The following HEMK2 variants were observed in gnomAD, a reference collection of about 807,000 sequenced individuals.
The protein encoded by HEMK2 is methyltransferase HEMK2.
At chr21:28,644,217 C>T in the HEMK2 span, among the ~76,000 whole-genome samples, 1 of 152,174 alleles carries the variant, frequency 6.6e-6, no homozygotes, top group Non-Finnish European at 1.5e-5. Context: ...GCACCTTCGT[C>T]ACAAGGTGGC....
the HEMK2 span, among the ~76,000 whole-genome samples, chr21:28,806,454 A>G: frequency 0.46 from 70,629 of 152,016 alleles, 18,428 homozygotes; most frequent in East Asian, 0.77. Context: ...ATATGTTGAA[A>G]TCCTAACCTC....
the HEMK2 span, among the ~76,000 whole-genome samples, chr21:28,864,816 CAGACAGATAGAT>C: frequency 6.2e-4 from 73 of 117,704 alleles, 1 homozygote; most frequent in African/African-American, 1.9e-3. Flanking sequence ...GAAAGACAGA[CAGACAGATAGAT>C]AGATAGATAG....
At chr21:28,595,469 T>C in the HEMK2 span, among the ~76,000 whole-genome samples, 41 of 152,322 alleles carry the variant, frequency 2.7e-4, no homozygotes, top group Non-Finnish European at 4.7e-4. Flanking sequence ...TAGCTTAACA[T>C]AATGACCTCC....
chr21:28,679,456 C>CT, the HEMK2 span, among the ~76,000 whole-genome samples: 2 of 152,152 alleles, frequency 1.3e-5, no homozygotes, highest in Non-Finnish European at 2.9e-5. Flanking sequence ...TAATGGTAGA[C>CT]TTTAACACCC....
chr21:28,653,746 T>C, the HEMK2 span, among the ~76,000 whole-genome samples: 1 of 152,212 alleles, frequency 6.6e-6, no homozygotes, highest in African/African-American at 2.4e-5. Flanking sequence ...GATTTGTGTT[T>C]AGTTCATTGG....
the HEMK2 span, among the ~76,000 whole-genome samples, chr21:28,601,757 C>CAT: frequency 3.2e-5 from 1 of 31,420 alleles, no homozygotes; most frequent in Admixed American, 2.5e-4. Flanking sequence ...CTGAAGCTAG[C>CAT]AGACTATTAA....
the HEMK2 span, among the ~76,000 whole-genome samples, chr21:28,819,638 C>T: frequency 6.6e-6 from 1 of 150,622 alleles, no homozygotes; most frequent in African/African-American, 2.4e-5. Context: ...CCTCTGCCTC[C>T]CAGGTTCAAG....
chr21:28,627,233 G>T, the HEMK2 span, among the ~76,000 whole-genome samples: 2 of 152,126 alleles, frequency 1.3e-5, no homozygotes, highest in Non-Finnish European at 2.9e-5. Context: ...CTGCAAAGAG[G>T]CATGAGAGAA....
chr21:28,687,536 G>A, the HEMK2 span, among the ~76,000 whole-genome samples: 3 of 152,152 alleles, frequency 2.0e-5, no homozygotes, highest in African/African-American at 7.2e-5. Context: ...AGCATAGCAT[G>A]CACACACCCA....
the HEMK2 span, among the ~76,000 whole-genome samples, chr21:28,749,790 T>C: frequency 6.6e-6 from 1 of 152,160 alleles, no homozygotes; most frequent in Non-Finnish European, 1.5e-5. Flanking sequence ...CTGTAAGAAA[T>C]TAAAATGAAC....
the HEMK2 span, among the ~76,000 whole-genome samples, chr21:28,685,087 A>G: frequency 6.6e-6 from 1 of 152,096 alleles, no homozygotes; most frequent in Non-Finnish European, 1.5e-5. Context: ...CAGGGAAGTA[A>G]AAAAAACCTA....
the HEMK2 span, among the ~76,000 whole-genome samples, chr21:28,815,589 C>T: frequency 2.0e-5 from 3 of 152,006 alleles, no homozygotes; most frequent in Non-Finnish European, 1.5e-5. Context: ...CCTTACATAG[C>T]ACCTTTCACC....
the HEMK2 span, among the ~76,000 whole-genome samples, chr21:28,839,532 A>G: frequency 6.6e-6 from 1 of 152,220 alleles, no homozygotes; most frequent in Non-Finnish European, 1.5e-5. Context: ...GTTTCCAGAT[A>G]CAAGATTAAT....
At chr21:28,782,959 C>T in the HEMK2 span, among the ~76,000 whole-genome samples, 11,957 of 152,034 alleles carry the variant, frequency 0.079, 512 homozygotes, top group Middle Eastern at 0.12. Flanking sequence ...AATGTTTTTT[C>T]GCAAGTGCTG....
At chr21:28,578,570 A>C in the HEMK2 span, among the ~76,000 whole-genome samples, 2 of 152,184 alleles carry the variant, frequency 1.3e-5, no homozygotes, top group Non-Finnish European at 2.9e-5. Flanking sequence ...AGGCAGGTTT[A>C]GTAGTTTAAA....
the HEMK2 span, among the ~76,000 whole-genome samples, chr21:28,803,191 ATTTCCCTC>A: frequency 6.6e-6 from 1 of 152,176 alleles, no homozygotes. Flanking sequence ...GGAAAAAATC[ATTTCCCTC>A]GATTTCACAT....
chr21:28,739,029 A>T, the HEMK2 span, among the ~76,000 whole-genome samples: 2 of 152,242 alleles, frequency 1.3e-5, no homozygotes, highest in Non-Finnish European at 2.9e-5. Flanking sequence ...CACAGTGAAA[A>T]AAATATATAA....
chr21:28,737,301 T>C, the HEMK2 span, among the ~76,000 whole-genome samples: 1 of 152,112 alleles, frequency 6.6e-6, no homozygotes, highest in Non-Finnish European at 1.5e-5. Flanking sequence ...AGTTTTGTAT[T>C]TTTAGTAGAG....
the HEMK2 span, among the ~76,000 whole-genome samples, chr21:28,645,012 G>A: frequency 6.6e-6 from 1 of 152,186 alleles, no homozygotes; most frequent in Non-Finnish European, 1.5e-5. Flanking sequence ...TGCCCTTGGG[G>A]TAGGAGTGCC....
Sources: gnomAD v4.1 joint callset for allele counts (sites outside exome capture counted in the v4.1 genomes callset) on GRCh38, gnomAD v4.1.1 for gene constraint, MANE v1.5 for transcripts, NCBI Gene and HGNC (gene_info 2026-07-23, HGNC 2026-07-21) for gene names.